Variants in RNF214 observed in about 807,000 individuals in gnomAD.
The protein encoded by RNF214 is ring finger protein 214.
A neutral mutation model predicts 75.9 loss-of-function variants in RNF214; 25 were observed. That is an observed-to-expected ratio of 0.33 (90% CI 0.24 to 0.46). The LOEUF is 0.46. Among genes scored for constraint, RNF214 ranks in the 20% least tolerant of loss-of-function variants. RNF214 has a pLI of 1.00. For synonymous variants in RNF214, 314 were observed against 308.8 expected, an observed-to-expected ratio of 1.02 and a Z score of -0.18; for missense variants, 725 against 857.5, an observed-to-expected ratio of 0.85 and a Z score of 1.93.
intron 10 of RNF214, 31 bp downstream of exon 10, chr11:117,281,729 C>T: frequency 6.4e-7 from 1 of 1,566,548 alleles, no homozygotes; most frequent in Non-Finnish European, 8.8e-7. Flanking sequence ...GGAAGTTCAC[C>T]TTTCTGTGTT....
At chr11:117,254,222 T>C (rs189915118) in intron 6 of RNF214, among the ~76,000 whole-genome samples, 1 of 152,014 alleles carries the variant, frequency 6.6e-6, no homozygotes, top group African/African-American at 2.4e-5. Flanking sequence ...GAACTCCAGC[T>C]TGGGTGACAG....
At chr11:117,250,019 A>T (rs1288989373) in intron 6 of RNF214, among the ~76,000 whole-genome samples, 2 of 152,220 alleles carry the variant, frequency 1.3e-5, no homozygotes, top group Non-Finnish European at 2.9e-5. Flanking sequence ...TGAGCCAGAC[A>T]GTAGGGCCTG....
intron 6 of RNF214, 35 bp downstream of exon 6, chr11:117,246,983 T>C (rs748771125): frequency 1.3e-6 from 2 of 1,540,708 alleles, no homozygotes; most frequent in Non-Finnish European, 8.8e-7. Flanking sequence ...CCTGTGTGTA[T>C]GTATATATGC....
chr11:117,241,302 C>G (rs2033072603), intron 4 of RNF214, among the ~76,000 whole-genome samples: 1 of 152,106 alleles, frequency 6.6e-6, no homozygotes, highest in Non-Finnish European at 1.5e-5. Flanking sequence ...TTGCTTTAGG[C>G]CGGGCACAGT....
intron 5 of RNF214, 55 bp downstream of exon 5, chr11:117,244,640 C>CT (rs1314921674): frequency 2.2e-6 from 3 of 1,382,256 alleles, no homozygotes; most frequent in Non-Finnish European, 2.9e-6. Context: ...TCTGATCAAA[C>CT]TTTAATTTTT....
chr11:117,236,562 G>A (rs1042087899), intron 2 of RNF214, among the ~76,000 whole-genome samples: 8 of 152,274 alleles, frequency 5.3e-5, no homozygotes, highest in South Asian at 2.1e-4. Flanking sequence ...ATGAGCCACC[G>A]CACCTGGCCG....
rs1263788472 is a variant in RNF214, at chr11:117,262,917, CCACCT to C, written c.959+15972_959+15976del. ...TTCAACCCGGGTTCACACAATTCTC[CCACCT>C]CAGCCTCGTGAGAAGCTGTGACTAC... On this transcript the variant is annotated intron_variant, in intron 6 of 14. Coordinates refer to ENST00000300650, the MANE Select transcript of RNF214 (RefSeq NM_207343.4). 2.6e-5 allele frequency among the ~76,000 whole-genome samples: 4 copies of C among 152,024 alleles called. No individual in the cohort carries two copies. The East Asian group carries it at 7.8e-4, about 29-fold the overall frequency.
Position 117,282,780 on chromosome 11 carries a change from C to T in RNF214, c.1880C>T (p.Pro627Leu). The T allele has an allele frequency of 1.2e-6, 2 of 1,614,162 alleles. No individual in the cohort carries two copies. Among genetic ancestry groups the T allele is most frequent in the Non-Finnish European group, 1.7e-6 (2 of 1,180,032 alleles). The change falls in exon 13 of 15, where the codon CCA becomes CTA. Residue 627 changes from proline (P) to leucine (L), a missense_variant. Physicochemically the swap from Pro to Leu is moderately conservative, Grantham distance 98. This residue lies in a region of RNF214 where 363 missense variants were observed against 513.0 expected (regional missense o/e 0.71). Transcript: ENST00000300650. ...CGCATCCGGGCCTTGTTCCCTGCTC[C>T]ACTGGCCCAAATCAGTACCCCAATG... Reference protein sequence around the residue: ...LGRIRALFPAPLAQISTPMFL... With the variant: ...LGRIRALFPALLAQISTPMFL...
At chr11:117,271,511 A>T (rs1458013105) in intron 6 of RNF214, among the ~76,000 whole-genome samples, 2 of 152,192 alleles carry the variant, frequency 1.3e-5, no homozygotes, top group Non-Finnish European at 2.9e-5. Flanking sequence ...ACATTGTTTC[A>T]TATGTTTTGT....
intron 6 of RNF214, among the ~76,000 whole-genome samples, chr11:117,252,735 T>C (rs891096624): frequency 4.0e-5 from 6 of 151,756 alleles, no homozygotes; most frequent in Non-Finnish European, 5.9e-5. Flanking sequence ...TTAGCCAGGA[T>C]GGTCTCGCTC....
At chr11:117,269,977 C>T (rs981825480) in intron 6 of RNF214, among the ~76,000 whole-genome samples, 6 of 152,122 alleles carry the variant, frequency 3.9e-5, no homozygotes, top group South Asian at 2.1e-4. Flanking sequence ...CTTACCTGGA[C>T]GTGTTGATGA....
intron 6 of RNF214, among the ~76,000 whole-genome samples, chr11:117,249,721 C>T (rs951771850): frequency 1.6e-4 from 24 of 152,136 alleles, no homozygotes; most frequent in African/African-American, 5.3e-4. Context: ...CCTGGTTTGC[C>T]GACAGCTGCC....
Position 117,238,838 on chromosome 11 carries a change from A to C in RNF214, c.345A>C (p.Thr115=). The part of the protein sequence containing the change: ...SQSDLKDVAS[T]AGEEGDTSLR... Reference sequence around the variant, plus strand: ...CTGATTTGAAGGATGTGGCCAGCACAGCAGGAGAGGAGGGGGACACAAGCC... The same window carrying C: ...CTGATTTGAAGGATGTGGCCAGCACCGCAGGAGAGGAGGGGGACACAAGCC... The change falls in exon 3 of 15, where the codon ACA becomes ACC. Residue 115 remains threonine (T), a synonymous_variant. Coordinates refer to ENST00000300650, the MANE Select transcript of RNF214 (RefSeq NM_207343.4). 6.2e-7 allele frequency: 1 copy of C among 1,614,212 alleles called. No homozygotes were observed. The highest frequency in any genetic ancestry group is 8.5e-7 in the Non-Finnish European group (1 of 1,180,048).
chr11:117,264,221 GC>G (rs1466551071), intron 6 of RNF214, among the ~76,000 whole-genome samples: 2 of 152,166 alleles, frequency 1.3e-5, no homozygotes, highest in Non-Finnish European at 2.9e-5. Flanking sequence ...TATTTGGGAG[GC>G]TGAGGCAGGA....
At chr11:117,240,763 C>T (rs1251446911) in intron 4 of RNF214, among the ~76,000 whole-genome samples, 3 of 152,050 alleles carry the variant, frequency 2.0e-5, no homozygotes, top group Admixed American at 6.6e-5. Flanking sequence ...TGCTTCAGGC[C>T]GGGCGCGGTG....
At chr11:117,243,303 TG>T (rs2033130038) in intron 4 of RNF214, among the ~76,000 whole-genome samples, 1 of 152,154 alleles carries the variant, frequency 6.6e-6, no homozygotes, top group Admixed American at 6.5e-5. Context: ...TGTGCCACCA[TG>T]CCTGGCTAAT....
At chr11:117,284,475 C>G (rs2034200558) in intron 14 of RNF214, among the ~76,000 whole-genome samples, 1 of 152,142 alleles carries the variant, frequency 6.6e-6, no homozygotes, top group Admixed American at 6.5e-5. Context: ...AACAGAGATG[C>G]TCATCTCAGG....
At position 117,247,559 on chromosome 11, in the gene RNF214, G is replaced by A. The variant is rs138515597; in HGVS notation, c.959+611G>A. Among the ~76,000 whole-genome samples the A allele has an allele frequency of 8.1e-3, 1,201 of 148,048 alleles. 9 individuals are homozygous for A. Among genetic ancestry groups the A allele is most frequent in the South Asian group, 0.022 (96 of 4,450 alleles). On this transcript the variant is annotated intron_variant, in intron 6 of 14. Coordinates refer to ENST00000300650, the MANE Select transcript of RNF214 (RefSeq NM_207343.4). ...TCACTTTATAACCTGATATTTACAA[G>A]TTCAGACCATGGGACAGGCACAGTG... is the stretch of plus-strand genomic sequence containing the variant.
Position 117,246,802 on chromosome 11 carries a change from A to C in RNF214, c.820-7A>C. Reference sequence around the variant, plus strand: ...TTTGTGTGCGACTGTAATTGTGTGGAACTCAGGAGATATTAAAGGCTATTC... The same window carrying C: ...TTTGTGTGCGACTGTAATTGTGTGGCACTCAGGAGATATTAAAGGCTATTC... On this transcript the variant is annotated splice_polypyrimidine_tract_variant and splice_region_variant and intron_variant, in intron 5 of 14. Coordinates refer to ENST00000300650, the MANE Select transcript of RNF214 (RefSeq NM_207343.4). 6.4e-7 allele frequency: 1 copy of C among 1,551,168 alleles called. No individual in the cohort carries two copies. The highest frequency in any genetic ancestry group is 8.7e-7 in the Non-Finnish European group (1 of 1,148,354).
Sources: allele counts gnomAD v4.1 joint callset (sites outside exome capture counted in the v4.1 genomes callset), GRCh38; gene constraint gnomAD v4.1.1; regional missense constraint gnomAD v4.1.1; transcripts MANE v1.5; gene names NCBI Gene and HGNC (gene_info 2026-07-23, HGNC 2026-07-21).